The following ESRRG variants were observed in gnomAD, a reference collection of about 807,000 sequenced individuals.
The protein encoded by ESRRG is estrogen related receptor gamma, also known as estrogen-related receptor gamma.
Under a neutral mutation model 44.0 loss-of-function variants are expected in ESRRG, and 13 were observed. That is an observed-to-expected ratio of 0.30 (90% CI 0.19 to 0.47). The LOEUF (loss-of-function observed/expected upper bound fraction) is 0.47. ESRRG is among the 20% of genes least tolerant of loss of function. ESRRG has a pLI of 1.00. For missense variants in ESRRG, 395 were observed against 580.6 expected (o/e 0.68, Z 3.29); for synonymous variants, 215 against 214.6 (o/e 1.00, Z -0.02).
intron 2 of ESRRG, among the ~76,000 whole-genome samples, chr1:216,904,198 A>G (rs1270131569): frequency 8.4e-6 from 1 of 118,956 alleles, no homozygotes; most frequent in African/African-American, 2.7e-5. Context: ...TGCAGCTGCA[A>G]TCATCACCCC....
At chr1:216,683,453 G>C (rs913120234) in intron 1 of ESRRG, among the ~76,000 whole-genome samples, 1 of 152,150 alleles carries the variant, frequency 6.6e-6, no homozygotes, top group East Asian at 1.9e-4. Context: ...AATAACTTGT[G>C]CATTTAGTTC....
At chr1:216,583,605 A>G (rs2063214494) in intron 3 of ESRRG, among the ~76,000 whole-genome samples, 1 of 152,190 alleles carries the variant, frequency 6.6e-6, no homozygotes, top group Non-Finnish European at 1.5e-5. Flanking sequence ...TAAATGAAAG[A>G]CTGTGAAATT....
chr1:216,635,406 G>A (rs1053605180), intron 3 of ESRRG, among the ~76,000 whole-genome samples: 2 of 152,108 alleles, frequency 1.3e-5, no homozygotes, highest in Non-Finnish European at 2.9e-5. Flanking sequence ...GTTTTTAAGG[G>A]ACAATATGGT....
Position 217,025,284 on chromosome 1 carries a change from T to C in ESRRG, c.-106+64223A>G, listed in dbSNP as rs978578233. On this transcript the variant is annotated intron_variant, in intron 1 of 7. Coordinates refer to the ESRRG transcript ENST00000359162. Reference sequence around the variant, plus strand: ...AGAATGATTTTGCCAGTGTCAGTCATTAAAAATAAACGCTTAGTAGGGTGA... The same window carrying C: ...AGAATGATTTTGCCAGTGTCAGTCACTAAAAATAAACGCTTAGTAGGGTGA... Among the ~76,000 whole-genome samples the C allele has an allele frequency of 1.1e-4, 17 of 152,234 alleles. No individual in the cohort carries two copies. The East Asian group carries it at 3.3e-3, about 29-fold the overall frequency.
chr1:216,861,262 T>G (rs1290967594), intron 2 of ESRRG, among the ~76,000 whole-genome samples: 9 of 151,928 alleles, frequency 5.9e-5, no homozygotes, highest in African/African-American at 2.2e-4. Context: ...ACACATTAAA[T>G]AAAAGTGGTT....
At chr1:216,800,130 T>G (rs1271650283) in intron 2 of ESRRG, among the ~76,000 whole-genome samples, 1 of 152,132 alleles carries the variant, frequency 6.6e-6, no homozygotes, top group Non-Finnish European at 1.5e-5. Flanking sequence ...AAATTTGAAC[T>G]AATAAAACAG....
chr1:216,760,423 C>G (rs1279602817), intron 2 of ESRRG, among the ~76,000 whole-genome samples: 1 of 151,596 alleles, frequency 6.6e-6, no homozygotes, highest in Non-Finnish European at 1.5e-5. Flanking sequence ...TATCCATGGC[C>G]TGAGATTTTG....
chr1:216,999,520 C>A (rs1026741646), intron 1 of ESRRG, among the ~76,000 whole-genome samples: 5 of 152,128 alleles, frequency 3.3e-5, no homozygotes, highest in African/African-American at 1.2e-4. Context: ...TATGGATACA[C>A]TGGGATTCAA....
At chr1:216,931,142 A>G (rs2063286655) in intron 2 of ESRRG, among the ~76,000 whole-genome samples, 1 of 152,220 alleles carries the variant, frequency 6.6e-6, no homozygotes, top group Non-Finnish European at 1.5e-5. Flanking sequence ...GTCCCAAAGC[A>G]TCTAGGAGAA....
chr1:216,537,155 G>T (rs111617735), intron 5 of ESRRG, among the ~76,000 whole-genome samples: 4 of 151,954 alleles, frequency 2.6e-5, no homozygotes, highest in Admixed American at 2.6e-4. Flanking sequence ...TCTAGGAGGC[G>T]ATTAGGTCAT....
chr1:216,822,411 C>A lies in ESRRG; in HGVS notation c.-14+117171G>T, dbSNP rs1030484933. Among the ~76,000 whole-genome samples, 8 of 152,090 alleles carry A rather than the reference C, an allele frequency of 5.3e-5. No homozygotes were observed. The South Asian group carries it at 1.7e-3, about 32-fold the overall frequency. ...AACTGTAAAAGAGATGACCAACAAC[C>A]AAAGAAAATTTATCTCTTGAAAACA... On this transcript the variant is annotated intron_variant, in intron 2 of 7. Transcript: ENST00000359162.
At chr1:216,861,949 A>G (rs2096061401) in intron 2 of ESRRG, among the ~76,000 whole-genome samples, 1 of 152,232 alleles carries the variant, frequency 6.6e-6, no homozygotes, top group Non-Finnish European at 1.5e-5. Flanking sequence ...AAGATGCTCA[A>G]CATCATTAGT....
intron 3 of ESRRG, among the ~76,000 whole-genome samples, chr1:216,586,201 C>T (rs189637092): frequency 2.0e-4 from 31 of 152,156 alleles, no homozygotes; most frequent in African/African-American, 5.5e-4. Flanking sequence ...TTCCACCCTC[C>T]AGTATTGTAT....
intron 1 of ESRRG, among the ~76,000 whole-genome samples, chr1:217,049,664 C>A (rs949907857): frequency 1.3e-5 from 2 of 152,132 alleles, no homozygotes; most frequent in Non-Finnish European, 2.9e-5. Flanking sequence ...CACTCATGAT[C>A]TCTCCACTGG....
intron 3 of ESRRG, among the ~76,000 whole-genome samples, chr1:216,612,833 C>A (rs1430803138): frequency 6.6e-6 from 1 of 152,162 alleles, no homozygotes; most frequent in African/African-American, 2.4e-5. Context: ...GCAGAGACAC[C>A]TTTATGTTTC....
At chr1:216,887,378 C>G (rs2057166127) in intron 2 of ESRRG, among the ~76,000 whole-genome samples, 1 of 152,172 alleles carries the variant, frequency 6.6e-6, no homozygotes, top group South Asian at 2.1e-4. Flanking sequence ...CTTGAACTAT[C>G]AGAACTATTA....
intron 2 of ESRRG, among the ~76,000 whole-genome samples, chr1:216,797,349 A>T (rs1276430514): frequency 6.6e-6 from 1 of 152,124 alleles, no homozygotes; most frequent in South Asian, 2.1e-4. Flanking sequence ...TGAGGATGTC[A>T]TGTTACACTG....
intron 1 of ESRRG, among the ~76,000 whole-genome samples, chr1:217,003,563 A>AT (rs2077326677): frequency 6.8e-6 from 1 of 147,420 alleles, no homozygotes; most frequent in Non-Finnish European, 1.5e-5. Flanking sequence ...AAATATTAGT[A>AT]TTAATACTAA....
rs138294530 is a variant in ESRRG at position 217,126,232 on chromosome 1, C to T, written c.-230+11435G>A. Among the ~76,000 whole-genome samples, 11 of 152,214 alleles carry T rather than the reference C, an allele frequency of 7.2e-5. No individual in the cohort carries two copies. The East Asian group carries it at 2.1e-3, about 29-fold the overall frequency. ...ACCTAGCTACCTACCTAGCTACCTA[C>T]CCACCCACCCCGTAGCACCATGTAG... On this transcript the variant is annotated intron_variant, in intron 1 of 8. Coordinates refer to the ESRRG transcript ENST00000366940.
Sources: gnomAD v4.1 joint callset for allele counts (sites outside exome capture counted in the v4.1 genomes callset) on GRCh38, gnomAD v4.1.1 for gene constraint, MANE v1.5 for transcripts, NCBI Gene and HGNC (gene_info 2026-07-23, HGNC 2026-07-21) for gene names.